Variants in PVT1 observed in about 807,000 individuals in gnomAD.
The protein encoded by PVT1 is CXCR4/PVT1 fusion.
At chr8:127,949,992 G>A (rs893372432) in intron 3 of PVT1, among the ~76,000 whole-genome samples, 6 of 152,352 alleles carry the variant, frequency 3.9e-5, no homozygotes, top group African/African-American at 4.8e-5. Flanking sequence ...CTGGCGGCCC[G>A]GGTTCCTGGA....
intron 3 of PVT1, among the ~76,000 whole-genome samples, chr8:127,932,015 A>G (rs576772467): frequency 1.5e-4 from 23 of 151,784 alleles, no homozygotes; most frequent in African/African-American, 5.1e-4. Flanking sequence ...TCCTCCTCCC[A>G]CCCCATCCTC....
chr8:127,912,986 C>T (rs1004452107), intron 3 of PVT1, among the ~76,000 whole-genome samples: 3 of 152,128 alleles, frequency 2.0e-5, no homozygotes, highest in Non-Finnish European at 4.4e-5. Context: ...GCGTGAGCCA[C>T]GCCCACCCAC....
chr8:127,865,309 TG>T (rs893196248), intron 2 of PVT1, among the ~76,000 whole-genome samples: 1 of 152,124 alleles, frequency 6.6e-6, no homozygotes, highest in African/African-American at 2.4e-5. Context: ...GGGATAAACC[TG>T]GGTGTGGCAG....
At chr8:128,017,296 G>T (rs1817385010) in intron 4 of PVT1, among the ~76,000 whole-genome samples, 1 of 152,218 alleles carries the variant, frequency 6.6e-6, no homozygotes, top group African/African-American at 2.4e-5. Flanking sequence ...CAGTGTGCCA[G>T]AGGGCAATGG....
chr8:128,062,112 G>A (rs1813838732), intron 4 of PVT1, among the ~76,000 whole-genome samples: 1 of 152,196 alleles, frequency 6.6e-6, no homozygotes. Context: ...GGAGTGAAAA[G>A]GAGGCTATTT....
chr8:128,015,646 G>C (rs148023434), intron 4 of PVT1, among the ~76,000 whole-genome samples: 2 of 151,872 alleles, frequency 1.3e-5, no homozygotes, highest in Non-Finnish European at 2.9e-5. Flanking sequence ...GGTGGCATGC[G>C]CCTGTAGATT....
At chr8:127,979,718 C>T (rs558071985) in intron 3 of PVT1, among the ~76,000 whole-genome samples, 80 of 152,288 alleles carry the variant, frequency 5.3e-4, no homozygotes, top group African/African-American at 1.9e-3. Flanking sequence ...CATGTGCCCC[C>T]GACCCCACCA....
intron 2 of PVT1, among the ~76,000 whole-genome samples, chr8:127,863,332 G>A (rs1014918804): frequency 5.9e-5 from 9 of 151,990 alleles, no homozygotes; most frequent in Non-Finnish European, 1.2e-4. Context: ...GGCTGGTCTC[G>A]AACTCCTGAT....
chr8:128,051,685 C>T (rs1813697866), intron 4 of PVT1, among the ~76,000 whole-genome samples: 2 of 151,990 alleles, frequency 1.3e-5, no homozygotes, highest in South Asian at 4.1e-4. Flanking sequence ...TCTTTGACCT[C>T]ATTGATTCCA....
intron 2 of PVT1, among the ~76,000 whole-genome samples, chr8:127,857,710 A>C (rs1815176733): frequency 2.0e-5 from 3 of 152,248 alleles, no homozygotes; most frequent in Admixed American, 2.0e-4. Context: ...AAAAACAATT[A>C]GGTACAGAAA....
intron 2 of PVT1, among the ~76,000 whole-genome samples, chr8:127,876,700 C>T (rs1362313290): frequency 6.6e-6 from 1 of 152,162 alleles, no homozygotes; most frequent in African/African-American, 2.4e-5. Context: ...ACCATGTCAG[C>T]TCCTAGGTGC....
At chr8:128,041,439 GTGTA>G (rs1396124068) in intron 4 of PVT1, among the ~76,000 whole-genome samples, 4 of 150,938 alleles carry the variant, frequency 2.7e-5, no homozygotes, top group Non-Finnish European at 5.9e-5. Flanking sequence ...TTGTGTGCAT[GTGTA>G]TGTGTTTGGC....
chr8:127,911,378 C>G (rs1165462846), intron 3 of PVT1, among the ~76,000 whole-genome samples: 1 of 152,222 alleles, frequency 6.6e-6, no homozygotes, highest in Non-Finnish European at 1.5e-5. Flanking sequence ...GTTGCTCTGA[C>G]CTGCACAGCA....
chr8:127,992,933 C>T (rs2130002087), intron 4 of PVT1, among the ~76,000 whole-genome samples: 1 of 152,320 alleles, frequency 6.6e-6, no homozygotes, highest in Admixed American at 6.5e-5. Context: ...CGGTCTTTCG[C>T]CACAAGGTAT....
chr8:128,075,131 ACT>A (rs1563681131), intron 5 of PVT1, among the ~76,000 whole-genome samples: 1 of 151,626 alleles, frequency 6.6e-6, no homozygotes, highest in Non-Finnish European at 1.5e-5. Flanking sequence ...TTGTCATAAT[ACT>A]CTTTTTTTTT....
chr8:127,840,730 C>T (rs982944848), intron 2 of PVT1, among the ~76,000 whole-genome samples: 1 of 152,218 alleles, frequency 6.6e-6, no homozygotes, highest in Non-Finnish European at 1.5e-5. Context: ...GATTTGTTCC[C>T]CTAAGAGGGT....
intron 3 of PVT1, among the ~76,000 whole-genome samples, chr8:127,951,665 A>C (rs1816507090): frequency 6.6e-6 from 1 of 152,158 alleles, no homozygotes; most frequent in African/African-American, 2.4e-5. Flanking sequence ...GGTCCTTGGC[A>C]CTGTCCTTCA....
At chr8:127,958,984 C>G (rs747225399) in intron 3 of PVT1, among the ~76,000 whole-genome samples, 7 of 151,642 alleles carry the variant, frequency 4.6e-5, no homozygotes, top group Non-Finnish European at 8.8e-5. Context: ...AGATGGGAAC[C>G]CAGCAGGTGG....
chr8:127,917,615 G>A (rs761944068), intron 3 of PVT1, among the ~76,000 whole-genome samples: 3 of 152,230 alleles, frequency 2.0e-5, no homozygotes, highest in Non-Finnish European at 2.9e-5. Context: ...TAGAGGGGCC[G>A]GTCAGCCCTC....
Sources: allele counts gnomAD v4.1 joint callset (sites outside exome capture counted in the v4.1 genomes callset), GRCh38; gene constraint gnomAD v4.1.1; transcripts MANE v1.5; gene names NCBI Gene and HGNC (gene_info 2026-07-23, HGNC 2026-07-21).